Variants in TMTC1 observed in about 807,000 individuals in gnomAD.
TMTC1 encodes the protein transmembrane O-mannosyltransferase targeting cadherins 1.
Under a neutral mutation model 104.8 loss-of-function variants are expected in TMTC1, and 73 were observed. The ratio of observed to expected loss-of-function variants is 0.70; its 90% CI spans 0.58 to 0.85. TMTC1 has a LOEUF of 0.85. Ranked by LOEUF, TMTC1 falls within the 40% of genes least tolerant of loss-of-function variation. TMTC1 has a pLI of 0.00. For missense variants in TMTC1, 1,035 were observed against 1,096.1 expected, an observed-to-expected ratio of 0.94 and a Z score of 0.79; for synonymous variants, 434 against 428.7, an observed-to-expected ratio of 1.01 and a Z score of -0.15.
At chr12:29,679,680 C>T (rs1940847272) in intron 5 of TMTC1, among the ~76,000 whole-genome samples, 1 of 151,198 alleles carries the variant, frequency 6.6e-6, no homozygotes, top group South Asian at 2.1e-4. Flanking sequence ...TAAATTAAAG[C>T]TAAACCAAAC....
chr12:29,705,745 C>T (rs1941722283), intron 5 of TMTC1, among the ~76,000 whole-genome samples: 1 of 152,094 alleles, frequency 6.6e-6, no homozygotes, highest in African/African-American at 2.4e-5. Flanking sequence ...TCTCACTTGT[C>T]AATCTGTCTT....
chr12:29,664,378 T>C (rs1373405533), intron 5 of TMTC1, among the ~76,000 whole-genome samples: 2 of 152,050 alleles, frequency 1.3e-5, no homozygotes, highest in African/African-American at 4.8e-5. Context: ...CAAAATAACA[T>C]GGCCCTCTTT....
chr12:29,638,128 G>A (rs990662843), intron 5 of TMTC1, among the ~76,000 whole-genome samples: 5 of 152,168 alleles, frequency 3.3e-5, no homozygotes, highest in African/African-American at 1.2e-4. Context: ...TTGGGCTCAC[G>A]GACCTAAGTG....
intron 5 of TMTC1, chr12:29,660,810 T>G: frequency 7.0e-7 from 1 of 1,429,448 alleles, no homozygotes; most frequent in South Asian, 1.4e-5. Context: ...TTACATAACT[T>G]AGGACCAAAA....
chr12:29,634,463 A>AGC (rs111449734), intron 5 of TMTC1, among the ~76,000 whole-genome samples: 147,333 of 152,164 alleles, frequency 0.97, 71,502 homozygotes, highest in Middle Eastern at 1. Flanking sequence ...GACACTACTG[A>AGC]AAACCCCCAC....
intron 5 of TMTC1, among the ~76,000 whole-genome samples, chr12:29,728,576 T>C (rs1942463224): frequency 1.3e-5 from 2 of 152,164 alleles, no homozygotes; most frequent in South Asian, 4.1e-4. Flanking sequence ...CCTCTATCCC[T>C]CGTCACACAA....
At chr12:29,615,088 T>C (rs1946943047) in intron 6 of TMTC1, among the ~76,000 whole-genome samples, 1 of 152,240 alleles carries the variant, frequency 6.6e-6, no homozygotes, top group African/African-American at 2.4e-5. Context: ...GCCAGAGTCC[T>C]GGGTTATAAG....
rs979897442 is a variant in TMTC1, at chr12:29,783,090, C to T, written c.302+360G>A. ...CCACCACCGCCACCCCTCCGGAACC[C>T]TCTGGGTCCGCGCTAGTCCCACTTG... On this transcript the variant is annotated intron_variant, in intron 1 of 17. Transcript: ENST00000539277. The surrounding 1 kb of genome is among the most constrained non-coding windows in gnomAD (Gnocchi z 4.7). 3 of 244,396 alleles carry T rather than the reference C, an allele frequency of 1.2e-5. No individual in the cohort carries two copies. Among genetic ancestry groups the T allele is most frequent in the Non-Finnish European group, 2.3e-5 (3 of 128,122 alleles). The allele number at this position is 244,396 out of a possible 1,614,324, so 15.1% of individuals were successfully genotyped here. A position where few individuals can be genotyped will look rare whatever the true frequency, so the allele number is the denominator to read the frequency against.
intron 9 of TMTC1, chr12:29,568,660 T>C (rs1035166430): frequency 1.0e-5 from 2 of 193,976 alleles, no homozygotes; most frequent in Admixed American, 5.3e-5. Context: ...TAATTTGTTT[T>C]ATGATTCTCC....
chr12:29,709,968 G>A (rs1212931866), intron 5 of TMTC1, among the ~76,000 whole-genome samples: 1 of 152,088 alleles, frequency 6.6e-6, no homozygotes, highest in Non-Finnish European at 1.5e-5. Context: ...ATAAAGCCGA[G>A]AGAAAATCCA....
intron 12 of TMTC1, among the ~76,000 whole-genome samples, chr12:29,520,173 A>T (rs1263519913): frequency 6.6e-6 from 1 of 152,238 alleles, no homozygotes; most frequent in Non-Finnish European, 1.5e-5. Context: ...TTAATAATGC[A>T]GTTTCTAATG....
intron 5 of TMTC1, among the ~76,000 whole-genome samples, chr12:29,676,873 T>C (rs1018006240): frequency 6.6e-6 from 1 of 152,156 alleles, no homozygotes; most frequent in African/African-American, 2.4e-5. Flanking sequence ...GGGGAGTCAT[T>C]AAGTCTTGAC....
chr12:29,628,089 A>C (rs1938096796), intron 6 of TMTC1, among the ~76,000 whole-genome samples: 1 of 152,218 alleles, frequency 6.6e-6, no homozygotes, highest in Admixed American at 6.5e-5. Context: ...GCTTATAAAT[A>C]ATGGACTTCA....
chr12:29,714,429 T>TA (rs1942022438), intron 5 of TMTC1, among the ~76,000 whole-genome samples: 2 of 152,184 alleles, frequency 1.3e-5, no homozygotes, highest in African/African-American at 4.8e-5. Context: ...AGGATATTCT[T>TA]AAGTGAAAAT....
At chr12:29,766,070 T>G (rs900363922) in intron 2 of TMTC1, among the ~76,000 whole-genome samples, 1 of 152,206 alleles carries the variant, frequency 6.6e-6, no homozygotes, top group African/African-American at 2.4e-5. Context: ...AAAGCTTTAC[T>G]GAGACTCACC....
intron 9 of TMTC1, among the ~76,000 whole-genome samples, chr12:29,564,680 G>A (rs1035441744): frequency 1.3e-5 from 2 of 152,100 alleles, no homozygotes; most frequent in Non-Finnish European, 2.9e-5. Flanking sequence ...AAATAAGGAA[G>A]ACATTGCAAC....
At chr12:29,743,679 T>C (rs947795328) in intron 5 of TMTC1, among the ~76,000 whole-genome samples, 6 of 152,176 alleles carry the variant, frequency 3.9e-5, no homozygotes, top group African/African-American at 1.4e-4. Flanking sequence ...TTACCTAGCA[T>C]AGAATAATGT....
At chr12:29,537,803 AG>A (rs1425826630) in intron 10 of TMTC1, among the ~76,000 whole-genome samples, 4 of 152,172 alleles carry the variant, frequency 2.6e-5, no homozygotes, top group Non-Finnish European at 5.9e-5. Context: ...AGTGACATAG[AG>A]GGAAAACTAA....
chr12:29,514,582 G>A lies in TMTC1; in HGVS notation c.2330C>T (p.Ala777Val), dbSNP rs1943930504. Residue 777 changes from alanine (A) to valine (V), a missense_variant, in exon 16 of 18, where the codon GCT becomes GTT. Coordinates refer to ENST00000539277, the MANE Select transcript of TMTC1 (RefSeq NM_001193451.2). Reference protein sequence around the residue: ...HDKALDAIDKALQLKPKDPKV... With the variant: ...HDKALDAIDKVLQLKPKDPKV... Reference sequence around the variant, plus strand: ...TGGGTCCTTTGGTTTCAGCTGGAGAGCCTTGTCTATAGCATCAAGTGCCTG... The same window carrying A: ...TGGGTCCTTTGGTTTCAGCTGGAGAACCTTGTCTATAGCATCAAGTGCCTG... 6.2e-7 allele frequency: 1 copy of A among 1,613,716 alleles called. No homozygotes were observed. Among genetic ancestry groups the A allele is most frequent in the Non-Finnish European group, 8.5e-7 (1 of 1,179,920 alleles).
Sources: allele counts gnomAD v4.1 joint callset (sites outside exome capture counted in the v4.1 genomes callset), GRCh38; gene constraint gnomAD v4.1.1; non-coding constraint Gnocchi (gnomAD v3.1); transcripts MANE v1.5; gene names NCBI Gene and HGNC (gene_info 2026-07-23, HGNC 2026-07-21).